The following SOX30 variants were observed in gnomAD, a reference collection of about 807,000 sequenced individuals.
SOX30 encodes the protein transcription factor SOX-30.
A neutral mutation model predicts 58.6 loss-of-function variants in SOX30; 17 were observed. The observed-to-expected ratio is 0.29, with a 90% CI of 0.20 to 0.44. The LOEUF is 0.44. SOX30 is among the 20% of genes least tolerant of loss of function. SOX30 has a pLI of 1.00. For synonymous variants in SOX30, 421 were observed against 400.2 expected (o/e 1.05, Z -0.62); for missense variants, 951 against 965.8 (o/e 0.98, Z 0.20).
At chr5:157,636,570 CA>C (rs1248450582) in intron 4 of SOX30, among the ~76,000 whole-genome samples, 1 of 152,138 alleles carries the variant, frequency 6.6e-6, no homozygotes, top group Admixed American at 6.5e-5. Context: ...CCCTAGATGA[CA>C]AAAATCTTCC....
chr5:157,626,464 T>C lies in SOX30; in HGVS notation c.2138A>G (p.Gln713Arg). ...SGEENLNPVP[Q>R]LDIGTLENVF... ...ATTCTCCAAGGTTCCAATGTCCAGC[T>C]GAGGCACAGGGTTTAAGTTTTCTTC... is the stretch of plus-strand genomic sequence containing the variant. The change falls in exon 5 of 5, where the codon CAG becomes CGG. Residue 713 changes from glutamine (Q) to arginine (R), a missense_variant. Coordinates refer to ENST00000265007, the MANE Select transcript of SOX30 (RefSeq NM_178424.2). The C allele has an allele frequency of 6.2e-7, 1 of 1,614,262 alleles. No homozygotes were observed. The highest frequency in any genetic ancestry group is 8.5e-7 in the Non-Finnish European group (1 of 1,180,042).
intron 4 of SOX30, 68 bp from the exon 5 acceptor site, chr5:157,626,789 G>A: frequency 6.7e-7 from 1 of 1,499,000 alleles, no homozygotes; most frequent in African/African-American, 1.4e-5. Flanking sequence ...CAGACTAACA[G>A]AGCAAGTTAA....
upstream of SOX30, among the ~76,000 whole-genome samples, chr5:157,653,068 A>G (rs1759402492): frequency 6.6e-6 from 1 of 152,178 alleles, no homozygotes. Flanking sequence ...TTGCCATTAA[A>G]TAGTTATTGA....
intron 1 of SOX30, among the ~76,000 whole-genome samples, chr5:157,670,718 T>C (rs1759762633): frequency 6.6e-6 from 1 of 152,200 alleles, no homozygotes; most frequent in Non-Finnish European, 1.5e-5. Flanking sequence ...GCTTCCCTCA[T>C]CTGGTTCGAT....
chr5:157,637,704 T>A (rs1758963426), intron 4 of SOX30, among the ~76,000 whole-genome samples: 1 of 152,074 alleles, frequency 6.6e-6, no homozygotes. Flanking sequence ...AAGCCTATAT[T>A]CTTGTTCTTT....
chr5:157,628,291 G>A (rs1758708612), intron 4 of SOX30, among the ~76,000 whole-genome samples: 1 of 151,662 alleles, frequency 6.6e-6, no homozygotes, highest in South Asian at 2.1e-4. Context: ...ACCATCTAGT[G>A]ACAGATAACA....
In SOX30 at chr5:157,626,237, G is replaced by A; in HGVS notation, c.*103C>T. 2 of 1,123,380 alleles carry A rather than the reference G, an allele frequency of 1.8e-6. No homozygotes were observed. Among genetic ancestry groups the A allele is most frequent in the Non-Finnish European group, 1.2e-6 (1 of 821,614 alleles). 69.6% of individuals were successfully genotyped at this position (1,123,380 alleles called of 1,614,324 possible). ...GGTTTTAACTCCTCAAATCACGACTGAAAACTTTCAACAAAGAATTCTAGG... is the reference window on the plus strand; with the variant it reads ...GGTTTTAACTCCTCAAATCACGACTAAAAACTTTCAACAAAGAATTCTAGG... On this transcript the variant is annotated 3_prime_UTR_variant, in exon 5 of 5. Transcript: ENST00000265007.
At chr5:157,638,138 GTATT>G in intron 4 of SOX30, 88 bp downstream of exon 4, 1 of 1,278,986 alleles carries the variant, frequency 7.8e-7, no homozygotes, top group Non-Finnish European at 1.1e-6. Flanking sequence ...CTGCTTTTCA[GTATT>G]TAAAAACAAA....
intron 4 of SOX30, 113 bp from the exon 5 acceptor site, chr5:157,626,834 G>A (rs1442708439): frequency 2.6e-6 from 3 of 1,146,404 alleles, no homozygotes; most frequent in Non-Finnish European, 3.6e-6. Flanking sequence ...GTTCCTTTCT[G>A]CAAACACTTC....
At chr5:157,668,874 G>T (rs1759717829) in intron 1 of SOX30, among the ~76,000 whole-genome samples, 1 of 152,194 alleles carries the variant, frequency 6.6e-6, no homozygotes, top group Admixed American at 6.5e-5. Flanking sequence ...GACTTGCCAA[G>T]GTCAGGTAAG....
intron 4 of SOX30, among the ~76,000 whole-genome samples, chr5:157,635,006 G>T (rs190194190): frequency 1.1e-3 from 169 of 152,262 alleles, no homozygotes; most frequent in African/African-American, 3.9e-3. Flanking sequence ...AATTGAGAGA[G>T]AATCAATTAA....
intron 2 of SOX30, among the ~76,000 whole-genome samples, chr5:157,662,537 G>T (rs1759595196): frequency 6.6e-6 from 1 of 152,132 alleles, no homozygotes. Flanking sequence ...CAGTCATTCA[G>T]TAGAAAATAT....
intron 4 of SOX30, 61 bp from the exon 5 acceptor site, chr5:157,626,782 AC>A: frequency 3.3e-6 from 5 of 1,512,804 alleles, no homozygotes; most frequent in Non-Finnish European, 4.4e-6. Flanking sequence ...TTGCATACAG[AC>A]TAACAGAGCA....
intron 4 of SOX30, among the ~76,000 whole-genome samples, chr5:157,630,956 A>G (rs1218892850): frequency 1.5e-5 from 2 of 134,090 alleles, no homozygotes; most frequent in East Asian, 2.0e-4. Context: ...TATATATTGT[A>G]TATATATACA....
At chr5:157,629,686 G>A (rs1046308355) in intron 4 of SOX30, among the ~76,000 whole-genome samples, 7 of 152,188 alleles carry the variant, frequency 4.6e-5, no homozygotes, top group Admixed American at 4.6e-4. Flanking sequence ...ATTGGCCAAG[G>A]AGTGTATATG....
chr5:157,633,071 CA>C (rs770151696), intron 4 of SOX30, among the ~76,000 whole-genome samples: 2 of 151,556 alleles, frequency 1.3e-5, no homozygotes, highest in Non-Finnish European at 2.9e-5. Flanking sequence ...CTCAAAAAAA[CA>C]AAAAAAAGAA....
At chr5:157,660,825 C>A (rs2113857484) in intron 2 of SOX30, among the ~76,000 whole-genome samples, 1 of 152,234 alleles carries the variant, frequency 6.6e-6, no homozygotes, top group South Asian at 2.1e-4. Context: ...TTCATCATAT[C>A]AATTTCTTTT....
rs1200105135 is a variant in SOX30 at position 157,651,973 on chromosome 5, G to A, written c.106C>T (p.Pro36Ser). The A allele has an allele frequency of 2.1e-6, 3 of 1,453,210 alleles. No individual in the cohort carries two copies. The highest frequency in any genetic ancestry group is 5.2e-5 in the Admixed American group (2 of 38,584). The allele number at this position is 1,453,210 out of a possible 1,614,324, so 90.0% of individuals were successfully genotyped here. Residue 36 changes from proline to serine, a missense_variant, in exon 1 of 5, where the codon CCC becomes TCC. Physicochemically the swap from Pro to Ser is moderately conservative, Grantham distance 74 (BLOSUM62 -1). Around this residue, in one of 7 missense-constraint regions of SOX30, gnomAD observed 363 missense variants for 294.5 expected, o/e 1.23. Coordinates refer to ENST00000265007, the MANE Select transcript of SOX30 (RefSeq NM_178424.2). ...CTCAGTGTGGGAGACGACGGAGGGG[G>A]CTCCATGGCTGCTGCCCAAAAGGAG... is the stretch of plus-strand genomic sequence containing the variant. ...GTSFWAAAME[P>S]PPSSPTLSAA...
At chr5:157,664,087 G>T (rs1425734006) in intron 2 of SOX30, among the ~76,000 whole-genome samples, 2 of 86,666 alleles carry the variant, frequency 2.3e-5, no homozygotes, top group African/African-American at 1.0e-4. Context: ...TCACAGAATT[G>T]GAAAAAACTA....
Sources: gnomAD v4.1 joint callset for allele counts (sites outside exome capture counted in the v4.1 genomes callset) on GRCh38, gnomAD v4.1.1 for gene constraint, gnomAD v4.1.1 regional missense constraint, MANE v1.5 for transcripts, NCBI Gene and HGNC (gene_info 2026-07-23, HGNC 2026-07-21) for gene names.